The following FADS1 variants were observed in gnomAD, a reference collection of about 807,000 sequenced individuals.
The protein encoded by FADS1 is fatty acid desaturase 1.
FADS1 carries 17 observed loss-of-function variants against 61.6 expected under a neutral mutation model. The observed-to-expected ratio is 0.28, with a 90% CI of 0.19 to 0.41. FADS1 has a LOEUF of 0.41. Among genes scored for constraint, FADS1 ranks in the 10% least tolerant of loss-of-function variants. The pLI is 1.00. For synonymous variants in FADS1, 238 were observed against 258.7 expected, an observed-to-expected ratio of 0.92 and a Z score of 0.77; for missense variants, 387 against 650.9, an observed-to-expected ratio of 0.59 and a Z score of 4.41.
At chr11:61,810,587 A>T in intron 5 of FADS1, 164 bp downstream of exon 5, 1 of 780,626 alleles carries the variant, frequency 1.3e-6, no homozygotes, top group Non-Finnish European at 2.1e-6. Flanking sequence ...GGCAGCCCCC[A>T]TCTATTGCCT....
chr11:61,804,670 G>C lies in FADS1; in HGVS notation c.1053+15C>G, dbSNP rs771150406. 6.2e-7 allele frequency: 1 copy of C among 1,610,372 alleles called. No homozygotes were observed. The highest frequency in any genetic ancestry group is 2.2e-5 in the East Asian group (1 of 44,846). ...GGAGACAAGGATGTGGGCTTCTTGG[G>C]CCATGGATACTCACCACCCACTTCT... On this transcript the variant is annotated intron_variant, in intron 7 of 11. Transcript: ENST00000350997.
Position 61,804,673 on chromosome 11 carries a change from A to G in FADS1, c.1053+12T>C. 1.9e-6 allele frequency: 3 copies of G among 1,612,250 alleles called. No individual in the cohort carries two copies. Among genetic ancestry groups the G allele is most frequent in the South Asian group, 1.1e-5 (1 of 90,984 alleles). On this transcript the variant is annotated intron_variant, in intron 7 of 11. Coordinates refer to ENST00000350997, the MANE Select transcript of FADS1 (RefSeq NM_013402.7). ...GACAAGGATGTGGGCTTCTTGGGCC[A>G]TGGATACTCACCACCCACTTCTTTC...
intron 5 of FADS1, among the ~76,000 whole-genome samples, chr11:61,809,147 C>G (rs577503262): frequency 1.3e-5 from 2 of 152,278 alleles, no homozygotes; most frequent in East Asian, 3.9e-4. Context: ...TGACTGTTCT[C>G]TCTGTTCCAA....
In FADS1 at chr11:61,810,852, T is replaced by C; in HGVS notation, c.814A>G (p.Met272Val). ...KGAPASWWNH[M>V]HFQHHAKPNC... ...GGCTTGGCATGGTGCTGGAAGTGCA[T>C]GTGGTTCCACCAACTGGCGGGGGCC... Residue 272 changes from methionine (M) to valine (V), a missense_variant, in exon 5 of 12, where the codon ATG becomes GTG. This residue lies in a region of FADS1 where 257 missense variants were observed against 533.3 expected (regional missense o/e 0.48). Transcript: ENST00000350997. 2 of 1,614,156 alleles carry C rather than the reference T, an allele frequency of 1.2e-6. No homozygotes were observed. The highest frequency in any genetic ancestry group is 1.3e-5 in the African/African-American group (1 of 75,026).
Position 61,803,697 on chromosome 11 carries a change from G to A in FADS1, c.1124C>T (p.Ala375Val). Residue 375 changes from alanine (A) to valine (V), a missense_variant, in exon 8 of 12, where the codon GCC becomes GTC. Transcript: ENST00000350997. This position sits in a 1 kb window ranked among gnomAD's most constrained non-coding sequence, Gnocchi z 4.3. Reference protein sequence around the residue: ...LTYVPLLGLKAFLGLFFIVRF... With the variant: ...LTYVPLLGLKVFLGLFFIVRF... Reference sequence around the variant, plus strand: ...GACTATGAAGAAAAGGCCCAGGAAGGCTTTCAGCCCCAATAGTGGCACATA... The same window carrying A: ...GACTATGAAGAAAAGGCCCAGGAAGACTTTCAGCCCCAATAGTGGCACATA... The A allele has an allele frequency of 1.9e-6, 3 of 1,613,860 alleles. No homozygotes were observed. The highest frequency in any genetic ancestry group is 2.5e-6 in the Non-Finnish European group (3 of 1,179,758).
At chr11:61,810,274 A>G (rs2066921960) in intron 5 of FADS1, among the ~76,000 whole-genome samples, 1 of 152,216 alleles carries the variant, frequency 6.6e-6, no homozygotes. Context: ...TACTCAGTGA[A>G]TGAATGTTCC....
At position 61,816,835 on chromosome 11, in the gene FADS1, T is replaced by A; in HGVS notation, c.95A>T (p.His32Leu). 6.7e-7 allele frequency: 1 copy of A among 1,487,542 alleles called. No individual in the cohort carries two copies. The highest frequency in any genetic ancestry group is 8.9e-7 in the Non-Finnish European group (1 of 1,129,102). 92.1% of individuals were successfully genotyped at this position (1,487,542 alleles called of 1,614,324 possible). A position where few individuals can be genotyped will look rare whatever the true frequency, so the allele number is the denominator to read the frequency against. Residue 32 changes from histidine (H) to leucine (L), a missense_variant, in exon 1 of 12, where the codon CAC becomes CTC. By Grantham distance (99) the His-to-Leu change is moderately conservative. Transcript: ENST00000350997. The surrounding 1 kb of genome is among the most constrained non-coding windows in gnomAD (Gnocchi z 7.0). ...GCTCGGGGTCCGCGGGCTCCAGGAGTGGATTTGCTGGCGCGCGCCCAGAGC... is the reference window on the plus strand; with the variant it reads ...GCTCGGGGTCCGCGGGCTCCAGGAGAGGATTTGCTGGCGCGCGCCCAGAGC... The part of the protein sequence containing the change: ...RLALGARQQI[H>L]SWSPRTPSTR...
rs1565320243 is a variant in FADS1 at position 61,810,808 on chromosome 11, G to A, written c.858C>T (p.Asp286=). Residue 286 remains aspartate (D), a synonymous_variant, in exon 5 of 12, where the codon GAC becomes GAT. Coordinates refer to ENST00000350997, the MANE Select transcript of FADS1 (RefSeq NM_013402.7). ...HHAKPNCFRK[D]PDINMHPFFF... ...AGAAGGGATGCATGTTGATGTCTGG[G>A]TCTTTGCGGAAGCAGTTGGGCTTGG... 1 of 1,614,190 alleles carries A rather than the reference G, an allele frequency of 6.2e-7. No homozygotes were observed. Among genetic ancestry groups the A allele is most frequent in the Non-Finnish European group, 8.5e-7 (1 of 1,180,038 alleles).
At chr11:61,814,868 A>G (rs2066963079) in intron 1 of FADS1, 1 of 152,324 alleles carries the variant, frequency 6.6e-6, no homozygotes, top group Non-Finnish European at 1.5e-5. Flanking sequence ...TCTCAGGGCT[A>G]TGAGACTTCC....
rs927200569 is a variant in FADS1, at chr11:61,801,292, G to C, written c.*1119C>G. 2 of 152,246 alleles carry C rather than the reference G, an allele frequency of 1.3e-5. No homozygotes were observed. The highest frequency in any genetic ancestry group is 2.9e-5 in the Non-Finnish European group (2 of 68,026). The allele number at this position is 152,246 out of a possible 1,614,324, so 9.4% of individuals were successfully genotyped here. A position where few individuals can be genotyped will look rare whatever the true frequency, so the allele number is the denominator to read the frequency against. ...TATTTTATTAAACTTGAAATTTTAG[G>C]TTGGGAAGCAAAGGGAAACCACTGG... On this transcript the variant is annotated 3_prime_UTR_variant, in exon 12 of 12. Coordinates refer to ENST00000350997, the MANE Select transcript of FADS1 (RefSeq NM_013402.7).
chr11:61,801,539 C>A lies in FADS1; in HGVS notation c.*872G>T, dbSNP rs1365643178. ...GCTAGCACCTCTTGTTCTCTTTAGA[C>A]CCTGGAGGGAATAAACCAAAATCAG... On this transcript the variant is annotated 3_prime_UTR_variant, in exon 12 of 12. Coordinates refer to ENST00000350997, the MANE Select transcript of FADS1 (RefSeq NM_013402.7). The A allele has an allele frequency of 6.6e-6, 1 of 152,374 alleles. No homozygotes were observed. The highest frequency in any genetic ancestry group is 1.5e-5 in the Non-Finnish European group (1 of 68,046). 9.4% of individuals were successfully genotyped at this position (152,374 alleles called of 1,614,324 possible).
rs1243428638 is a variant in FADS1 at position 61,801,246 on chromosome 11, T to C, written c.*1165A>G. On this transcript the variant is annotated 3_prime_UTR_variant, in exon 12 of 12. Coordinates refer to ENST00000350997, the MANE Select transcript of FADS1 (RefSeq NM_013402.7). ...TCATGACTGATAATTATCTCCCAAT[T>C]TGGTCACTTCTGCTAATTGCTATTT... The C allele has an allele frequency of 2.0e-5, 3 of 152,350 alleles. No individual in the cohort carries two copies. Among genetic ancestry groups the C allele is most frequent in the East Asian group, 3.7e-4 (2 of 5,334 alleles). The allele number at this position is 152,350 out of a possible 1,614,324, so 9.4% of individuals were successfully genotyped here. A position where few individuals can be genotyped will look rare whatever the true frequency, so the allele number is the denominator to read the frequency against.
intron 5 of FADS1, among the ~76,000 whole-genome samples, chr11:61,807,763 C>T (rs181917186): frequency 1.6e-4 from 24 of 152,196 alleles, no homozygotes; most frequent in Admixed American, 5.9e-4. Context: ...CCAATTAGTT[C>T]AGGTAACCAG....
rs576173582 is a variant in FADS1, at chr11:61,802,986, A to T, written c.1328+46T>A. 2.5e-6 allele frequency: 4 copies of T among 1,613,920 alleles called. No homozygotes were observed. The South Asian group carries it at 4.4e-5, about 18-fold the overall frequency. On this transcript the variant is annotated intron_variant, in intron 10 of 11. Coordinates refer to ENST00000350997, the MANE Select transcript of FADS1 (RefSeq NM_013402.7). This position sits in a 1 kb window ranked among gnomAD's most constrained non-coding sequence, Gnocchi z 4.2. Reference sequence around the variant, plus strand: ...TTCTCTGCTCCCACCTGTACCCAACACTTACACCCTCCCCAGGACCCTGCT... The same window carrying T: ...TTCTCTGCTCCCACCTGTACCCAACTCTTACACCCTCCCCAGGACCCTGCT...
intron 3 of FADS1, chr11:61,811,777 C>CGGGG (rs1565320598): frequency 2.7e-6 from 1 of 368,614 alleles, no homozygotes; most frequent in Non-Finnish European, 5.4e-6. Flanking sequence ...TTAATAGAGA[C>CGGGG]GGGGTTTCAC....
In FADS1 at chr11:61,813,312, C is replaced by T; in HGVS notation, c.417G>A (p.Lys139=). 6.2e-7 allele frequency: 1 copy of T among 1,613,392 alleles called. No homozygotes were observed. Among genetic ancestry groups the T allele is most frequent in the Non-Finnish European group, 8.5e-7 (1 of 1,179,522 alleles). The change falls in exon 2 of 12, where the codon AAG becomes AAA. Residue 139 remains lysine (K), a synonymous_variant. Coordinates refer to ENST00000350997, the MANE Select transcript of FADS1 (RefSeq NM_013402.7). ...CAATCAGGAGAGAGTTCATATACTT[C>T]TTCACAAGGCCCTTGTTGATGTGGA... ...VAFHINKGLV[K]KYMNSLLIGE... is the part of the protein sequence containing the mutation.
In FADS1 at chr11:61,812,646, C is replaced by T. The variant is rs780163687; in HGVS notation, c.509G>A (p.Arg170Gln). 1 of 1,614,034 alleles carries T rather than the reference C, an allele frequency of 6.2e-7. No individual in the cohort carries two copies. The highest frequency in any genetic ancestry group is 1.1e-5 in the South Asian group (1 of 91,066). The change falls in exon 3 of 12, where the codon CGG (arginine) becomes CAG (glutamine). Residue 170 changes from arginine to glutamine, a missense_variant. Physicochemically the swap from Arg to Gln is conservative, Grantham distance 43. Coordinates refer to ENST00000350997, the MANE Select transcript of FADS1 (RefSeq NM_013402.7). ...TKNKELTDEF[R>Q]ELRATVERMG... The stretch of plus-strand genomic sequence containing the variant: ...CCGCTCCACTGTGGCCCGCAGCTCC[C>T]GGAACTCATCTGTCAGCTCTTTCTG...
At chr11:61,806,604 C>T in intron 6 of FADS1, 60 bp downstream of exon 6, 2 of 1,455,454 alleles carry the variant, frequency 1.4e-6, no homozygotes, top group Admixed American at 1.7e-5. Flanking sequence ...GCCACATCCT[C>T]CTCATTCCCT....
At chr11:61,804,596 TC>T (rs1302134924) in intron 7 of FADS1, 88 bp downstream of exon 7, 3 of 978,740 alleles carry the variant, frequency 3.1e-6, no homozygotes, top group Non-Finnish European at 4.8e-6. Flanking sequence ...AGGCCTAGAG[TC>T]AGTCTCAAGT....
Sources: gnomAD v4.1 joint callset for allele counts (sites outside exome capture counted in the v4.1 genomes callset) on GRCh38, gnomAD v4.1.1 for gene constraint, gnomAD v4.1.1 regional missense constraint, Gnocchi (gnomAD v3.1) non-coding constraint, MANE v1.5 for transcripts, NCBI Gene and HGNC (gene_info 2026-07-23, HGNC 2026-07-21) for gene names.